The following GEMIN7 variants were observed in gnomAD, a reference collection of about 807,000 sequenced individuals.
GEMIN7 encodes gem-associated protein 7.
A neutral mutation model predicts 7.8 loss-of-function variants in GEMIN7; 7 were observed. The observed-to-expected ratio is 0.90, with a 90% CI of 0.51 to 1.69. GEMIN7 has a LOEUF of 1.69. GEMIN7 is among the 40% of genes most tolerant of loss of function. The pLI is 0.00. For synonymous variants in GEMIN7, 68 were observed against 72.4 expected (o/e 0.94, Z 0.31); for missense variants, 159 against 176.2 (o/e 0.90, Z 0.55).
chr19:45,089,568 A>T (rs1157725523), intron 2 of GEMIN7, among the ~76,000 whole-genome samples: 1 of 152,024 alleles, frequency 6.6e-6, no homozygotes, highest in Non-Finnish European at 1.5e-5. Flanking sequence ...ACAGTGTCTC[A>T]CTCTGTCACC....
chr19:45,087,127 G>A (rs1287118653), intron 2 of GEMIN7, among the ~76,000 whole-genome samples: 15 of 151,206 alleles, frequency 9.9e-5, no homozygotes, highest in Non-Finnish European at 2.9e-5. Context: ...TTACAGGCGT[G>A]AGCCACCGCG....
chr19:45,083,885 C>T (rs1967586644), intron 2 of GEMIN7, among the ~76,000 whole-genome samples: 1 of 151,854 alleles, frequency 6.6e-6, no homozygotes, highest in African/African-American at 2.4e-5. Flanking sequence ...AGGTGTGAGC[C>T]ACCTCGTGCC....
Position 45,080,758 on chromosome 19 carries a change from G to GTTTTTTTTTTTTT in GEMIN7, c.-9+735_-9+736insTTTTTTTTTTTTT, listed in dbSNP as rs199542404. On this transcript the variant is annotated intron_variant, in intron 2 of 2. Transcript: ENST00000270257. ...GCATCAATATGACCAAATCTCCCTT[G>GTTTTTTTTTTTTT]TTTTTTGTTTTTTTTTTTTTTTTTC... 1.6e-5 allele frequency among the ~76,000 whole-genome samples: 2 copies of GTTTTTTTTTTTTT among 121,334 alleles called. 1 individual carries two copies. The allele number at this position is 121,334 out of a possible 152,430, so 79.6% of individuals were successfully genotyped here.
At chr19:45,082,353 T>C (rs542537020) in intron 2 of GEMIN7, among the ~76,000 whole-genome samples, 2 of 152,348 alleles carry the variant, frequency 1.3e-5, no homozygotes, top group Admixed American at 1.3e-4. Flanking sequence ...AATCTTATCA[T>C]AGGGATCTTT....
At position 45,090,492 on chromosome 19, in the gene GEMIN7, A is replaced by G. The variant is rs755632134; in HGVS notation, c.378A>G (p.Ser126=). 1 of 1,609,332 alleles carries G rather than the reference A, an allele frequency of 6.2e-7. No homozygotes were observed. Among genetic ancestry groups the G allele is most frequent in the South Asian group, 1.1e-5 (1 of 91,014 alleles). ...TGCTCCGATGTAGTGACATTATTTC[A>G]TATACCTTCAAGCCATAAAGATATT... ...EALLRCSDII[S]YTFKP Residue 126 remains serine (S), a synonymous_variant, in exon 3 of 3, where the codon TCA becomes TCG. Transcript: ENST00000270257.
chr19:45,078,097 C>CTTTTTT (rs57149861), upstream of GEMIN7, among the ~76,000 whole-genome samples: 3 of 96,656 alleles, frequency 3.1e-5, no homozygotes, highest in East Asian at 3.2e-4. Context: ...TTATTTTACT[C>CTTTTTT]TTTTTTTTTT....
At chr19:45,089,071 AG>A (rs1967802920) in intron 2 of GEMIN7, among the ~76,000 whole-genome samples, 1 of 151,682 alleles carries the variant, frequency 6.6e-6, no homozygotes, top group Admixed American at 6.6e-5. Flanking sequence ...CCTCCCGAGT[AG>A]CTGGGACTAC....
Position 45,086,639 on chromosome 19 carries a change from C to T in GEMIN7, c.-8-3468C>T, listed in dbSNP as rs541108711. Among the ~76,000 whole-genome samples the T allele has an allele frequency of 2.6e-5, 4 of 152,250 alleles. No individual in the cohort carries two copies. In the South Asian group the frequency reaches 6.2e-4, roughly 24 times the overall value. On this transcript the variant is annotated intron_variant, in intron 2 of 2. Coordinates refer to ENST00000270257, the MANE Select transcript of GEMIN7 (RefSeq NM_024707.3). ...TAGTCAAGCCATTTACCCCAGGTCA[C>T]ACAGCAATACTAACAATAAGAGCAG...
At position 45,090,497 on chromosome 19, in the gene GEMIN7, C is replaced by G. The variant is rs771471568; in HGVS notation, c.383C>G (p.Thr128Ser). Residue 128 changes from threonine to serine, a missense_variant, in exon 3 of 3, where the codon ACC becomes AGC. Thr to Ser is a moderately conservative substitution (Grantham distance 58). Coordinates refer to ENST00000270257, the MANE Select transcript of GEMIN7 (RefSeq NM_024707.3). ...LLRCSDIISY[T>S]FKP is the part of the protein sequence containing the mutation. ...CGATGTAGTGACATTATTTCATATA[C>G]CTTCAAGCCATAAAGATATTGTGTT... The G allele has an allele frequency of 6.2e-6, 10 of 1,606,760 alleles. No individual in the cohort carries two copies. The highest frequency in any genetic ancestry group is 6.8e-6 in the Non-Finnish European group (8 of 1,174,684).
At chr19:45,076,811 A>G (rs1277941948), upstream of GEMIN7, 1 of 160,750 alleles carries the variant, frequency 6.2e-6, no homozygotes, top group African/African-American at 2.4e-5. This position sits in a 1 kb window ranked among gnomAD's most constrained non-coding sequence, Gnocchi z 4.9. Flanking sequence ...TAAATGCATT[A>G]CAATAAAAAT....
intron 2 of GEMIN7, among the ~76,000 whole-genome samples, chr19:45,081,434 C>T (rs8100183): frequency 0.21 from 30,860 of 147,416 alleles, 3,356 homozygotes; most frequent in Middle Eastern, 0.31. Flanking sequence ...CCAGCCTGGG[C>T]GACAAGAGTG....
chr19:45,078,385 C>T (rs960062540), upstream of GEMIN7, among the ~76,000 whole-genome samples: 24 of 152,082 alleles, frequency 1.6e-4, no homozygotes, highest in African/African-American at 4.8e-4. Flanking sequence ...CCACCGTGCC[C>T]GGCCTATTTT....
chr19:45,089,235 C>T (rs1477121982), intron 2 of GEMIN7, among the ~76,000 whole-genome samples: 1 of 152,128 alleles, frequency 6.6e-6, no homozygotes, highest in African/African-American at 2.4e-5. Flanking sequence ...AGCCACCGCA[C>T]CCGGCCCTAT....
upstream of GEMIN7, among the ~76,000 whole-genome samples, chr19:45,078,660 A>G (rs1967406040): frequency 6.6e-6 from 1 of 152,180 alleles, no homozygotes; most frequent in Admixed American, 6.5e-5. Context: ...GGCCTTGGTG[A>G]TCTAGTGGAA....
chr19:45,083,055 A>T (rs1386031156), intron 2 of GEMIN7, among the ~76,000 whole-genome samples: 3 of 152,242 alleles, frequency 2.0e-5, no homozygotes, highest in Non-Finnish European at 4.4e-5. Flanking sequence ...CTACTGTGGC[A>T]GAGTTGAGCA....
intron 2 of GEMIN7, 91 bp from the exon 3 acceptor site, chr19:45,090,016 G>A: frequency 7.3e-7 from 1 of 1,369,524 alleles, no homozygotes; most frequent in Admixed American, 2.1e-5. Context: ...GGAGCTGCCT[G>A]GTAGACCAGC....
At chr19:45,088,950 T>G (rs1234832418) in intron 2 of GEMIN7, among the ~76,000 whole-genome samples, 1 of 149,824 alleles carries the variant, frequency 6.7e-6, no homozygotes, top group Non-Finnish European at 1.5e-5. Context: ...TTTTTTTTTT[T>G]CTTTTTTTTG....
intron 2 of GEMIN7, among the ~76,000 whole-genome samples, chr19:45,089,088 C>A (rs1967803810): frequency 6.6e-6 from 1 of 151,938 alleles, no homozygotes; most frequent in African/African-American, 2.4e-5. Flanking sequence ...ACTACAGGCG[C>A]ATGACACCAC....
chr19:45,084,135 C>T (rs574226024), intron 2 of GEMIN7, among the ~76,000 whole-genome samples: 10 of 142,850 alleles, frequency 7.0e-5, no homozygotes, highest in Admixed American at 3.7e-4. Context: ...CGCTTGAACC[C>T]GGGAGGCGGA....
Sources: allele counts gnomAD v4.1 joint callset (sites outside exome capture counted in the v4.1 genomes callset), GRCh38; gene constraint gnomAD v4.1.1; non-coding constraint Gnocchi (gnomAD v3.1); transcripts MANE v1.5; gene names NCBI Gene and HGNC (gene_info 2026-07-23, HGNC 2026-07-21).